NDUFA1: variants seen among roughly 807,000 people sequenced by gnomAD.
NDUFA1 encodes the protein NADH dehydrogenase [ubiquinone] 1 alpha subcomplex subunit 1.
For missense variants in NDUFA1, 42 were observed against 56.0 expected, an observed-to-expected ratio of 0.75 and a Z score of 0.80; for synonymous variants, 21 against 20.0, an observed-to-expected ratio of 1.05 and a Z score of -0.14.
intron 1 of NDUFA1, 126 bp downstream of exon 1, chrX:119,872,139 A>T (rs1309121045): frequency 1.5e-6 from 1 of 666,654 alleles, no homozygotes; most frequent in African/African-American, 2.1e-5. Flanking sequence ...CCGGTTGCCT[A>T]GAAGCCGAGG....
At chrX:119,874,334 A>T (rs1406028291) in intron 2 of NDUFA1, among the ~76,000 whole-genome samples, 2 of 108,345 alleles carry the variant, frequency 1.8e-5, no homozygotes, top group Non-Finnish European at 3.8e-5. Flanking sequence ...TATTTGTAAT[A>T]CCACTCTGGT....
At chrX:119,872,201 C>T (rs1051898608) in intron 1 of NDUFA1, among the ~76,000 whole-genome samples, 188 bp downstream of exon 1, 2 of 112,382 alleles carry the variant, frequency 1.8e-5, no homozygotes, top group African/African-American at 6.5e-5. Context: ...TGAAAAACAG[C>T]GTTTCTGGGT....
chrX:119,872,278 C>T (rs953913867), intron 1 of NDUFA1, among the ~76,000 whole-genome samples: 6 of 111,710 alleles, frequency 5.4e-5, no homozygotes, highest in Admixed American at 1.9e-4. Flanking sequence ...GAAAAGGTGG[C>T]TCAAGCCTGA....
In NDUFA1 at chrX:119,876,519, G is replaced by T; in HGVS notation, c.198G>T (p.Leu66Phe). The T allele has an allele frequency of 8.3e-7, 1 of 1,209,824 alleles. No homozygotes were observed. The highest frequency in any genetic ancestry group is 1.1e-6 in the Non-Finnish European group (1 of 894,213). The change falls in exon 3 of 3, where the codon TTG becomes TTT. Residue 66 changes from leucine (L) to phenylalanine (F), a missense_variant. By Grantham distance (22) the Leu-to-Phe change is conservative. Transcript: ENST00000371437. Reference sequence around the variant, plus strand: ...CTTTTTAAACTGTTTTTCAGGGTTTGGAGAACATTGATTAAGGAAGCATTT... The same window carrying T: ...CTTTTTAAACTGTTTTTCAGGGTTTTGAGAACATTGATTAAGGAAGCATTT... ...GVDRYYVSKG[L>F]ENID
intron 1 of NDUFA1, among the ~76,000 whole-genome samples, chrX:119,872,813 AC>A (rs1402004724): frequency 9.3e-6 from 1 of 107,603 alleles, no homozygotes; most frequent in Admixed American, 1.0e-4. Flanking sequence ...AGCCGCCGCG[AC>A]CGGCCACCCT....
chrX:119,875,861 A>T (rs2056435059), intron 2 of NDUFA1, among the ~76,000 whole-genome samples: 1 of 111,296 alleles, frequency 9.0e-6, no homozygotes, highest in Non-Finnish European at 1.9e-5. Flanking sequence ...TATTTTTTAA[A>T]ACAGATTTTA....
intron 2 of NDUFA1, among the ~76,000 whole-genome samples, chrX:119,874,117 G>T (rs1458823893): frequency 9.1e-6 from 1 of 110,214 alleles, no homozygotes; most frequent in East Asian, 2.8e-4. Context: ...TTTTCCAACA[G>T]GTAGCTAGTT....
At chrX:119,875,718 G>A (rs1211547767) in intron 2 of NDUFA1, among the ~76,000 whole-genome samples, 1 of 111,344 alleles carries the variant, frequency 9.0e-6, no homozygotes, top group Non-Finnish European at 1.9e-5. Context: ...TTCGGGAGTT[G>A]GGGTCCCTGA....
At chrX:119,872,796 A>T (rs766368127) in intron 1 of NDUFA1, among the ~76,000 whole-genome samples, 1 of 106,306 alleles carries the variant, frequency 9.4e-6, no homozygotes, top group Admixed American at 1.0e-4. Flanking sequence ...CTGGGATTAC[A>T]GGCGTGAGCC....
intron 2 of NDUFA1, among the ~76,000 whole-genome samples, chrX:119,874,312 C>T (rs960157423): frequency 9.3e-6 from 1 of 107,848 alleles, no homozygotes; most frequent in Admixed American, 1.0e-4. Flanking sequence ...CACCAAGCAC[C>T]CAATTTATTT....
At chrX:119,872,902 C>A (rs2056421145) in intron 1 of NDUFA1, among the ~76,000 whole-genome samples, 1 of 110,394 alleles carries the variant, frequency 9.1e-6, no homozygotes, top group South Asian at 3.8e-4. Flanking sequence ...CATCAGGATT[C>A]ATTTTCCCCT....
chrX:119,876,594 G>C lies in NDUFA1; in HGVS notation c.*60G>C, dbSNP rs2056438126. 4 of 1,039,144 alleles carry C rather than the reference G, an allele frequency of 3.8e-6. No homozygotes were observed. In the Admixed American group the frequency reaches 8.7e-5, roughly 23 times the overall value. The allele number at this position is 1,039,144 out of a possible 1,213,427, so 85.6% of individuals were successfully genotyped here. A position where few individuals can be genotyped will look rare whatever the true frequency, so the allele number is the denominator to read the frequency against. On this transcript the variant is annotated 3_prime_UTR_variant, in exon 3 of 3. Transcript: ENST00000371437. Reference sequence around the variant, plus strand: ...CAGTTATGGCCATCTACCCCTGCTAGAAGGTTACAGTGTATTATGTAGCAT... The same window carrying C: ...CAGTTATGGCCATCTACCCCTGCTACAAGGTTACAGTGTATTATGTAGCAT...
intron 1 of NDUFA1, among the ~76,000 whole-genome samples, chrX:119,872,938 A>G (rs1245828220): frequency 9.1e-6 from 1 of 110,088 alleles, no homozygotes; most frequent in Non-Finnish European, 1.9e-5. Flanking sequence ...CATCATCTCA[A>G]GAGTACAGGA....
chrX:119,873,231 TA>T, intron 1 of NDUFA1, 72 bp from the exon 2 acceptor site: 2 of 807,232 alleles, frequency 2.5e-6, no homozygotes, highest in Non-Finnish European at 3.8e-6. Flanking sequence ...ATGTCCCTTT[TA>T]AAAATTGTAG....
chrX:119,872,238 T>C (rs1007623548), intron 1 of NDUFA1, among the ~76,000 whole-genome samples: 1 of 111,312 alleles, frequency 9.0e-6, no homozygotes, highest in African/African-American at 3.3e-5. Flanking sequence ...TAGGGCAGAG[T>C]AGCGACGCGG....
chrX:119,873,546 C>CT lies in NDUFA1; in HGVS notation c.192+165dup, dbSNP rs67229707. Among the ~76,000 whole-genome samples, 187 of 100,906 alleles carry CT rather than the reference C, an allele frequency of 1.9e-3. 1 individual carries two copies. The highest frequency in any genetic ancestry group is 6.5e-3 in the South Asian group (15 of 2,313). 87.6% of individuals were successfully genotyped at this position (100,906 alleles called of 115,157 possible). A position where few individuals can be genotyped will look rare whatever the true frequency, so the allele number is the denominator to read the frequency against. On this transcript the variant is annotated intron_variant, in intron 2 of 2. Coordinates refer to ENST00000371437, the MANE Select transcript of NDUFA1 (RefSeq NM_004541.4). ...TTTACATATTTAATCTTTTATATTT[C>CT]TTTTTTTTTTTTAGTTTTTCTTCTG...
chrX:119,874,467 A>G (rs942704738), intron 2 of NDUFA1, among the ~76,000 whole-genome samples: 2 of 111,510 alleles, frequency 1.8e-5, no homozygotes, highest in South Asian at 7.4e-4. Context: ...TTTTGATTCA[A>G]TTATGACATT....
chrX:119,876,526 A>G lies in NDUFA1; in HGVS notation c.205A>G (p.Ile69Val). The G allele has an allele frequency of 8.3e-7, 1 of 1,210,189 alleles. No individual in the cohort carries two copies. The highest frequency in any genetic ancestry group is 1.1e-6 in the Non-Finnish European group (1 of 894,163). Residue 69 changes from isoleucine to valine, a missense_variant, in exon 3 of 3, where the codon ATT becomes GTT. Transcript: ENST00000371437. ...AACTGTTTTTCAGGGTTTGGAGAACATTGATTAAGGAAGCATTTTCCTGAT... is the reference window on the plus strand; with the variant it reads ...AACTGTTTTTCAGGGTTTGGAGAACGTTGATTAAGGAAGCATTTTCCTGAT... Reference protein sequence around the residue: ...RYYVSKGLENID With the variant: ...RYYVSKGLENVD
intron 2 of NDUFA1, 32 bp from the exon 3 acceptor site, chrX:119,876,482 T>G: frequency 2.5e-6 from 3 of 1,202,006 alleles, no homozygotes; most frequent in Non-Finnish European, 1.1e-6. Flanking sequence ...GGAACAGACT[T>G]GTCACATTCT....
Sources: gnomAD v4.1 joint callset for allele counts (sites outside exome capture counted in the v4.1 genomes callset) on GRCh38, gnomAD v4.1.1 for gene constraint, MANE v1.5 for transcripts, NCBI Gene and HGNC (gene_info 2026-07-23, HGNC 2026-07-21) for gene names.